The following AMOTL1 variants were observed in gnomAD, a reference collection of about 807,000 sequenced individuals.
AMOTL1 encodes angiomotin like 1.
In AMOTL1, 45 loss-of-function variants were observed where a neutral mutation model predicts 102.9. The ratio of observed to expected loss-of-function variants is 0.44; its 90% confidence interval spans 0.34 to 0.56. The LOEUF is 0.56. Ranked by LOEUF, AMOTL1 falls within the 20% of genes least tolerant of loss-of-function variation. The pLI, the probability that AMOTL1 is intolerant of heterozygous loss-of-function variation, is 0.01. For missense variants in AMOTL1, 1,114 were observed against 1,225.6 expected (o/e 0.91, Z 1.36); for synonymous variants, 481 against 484.7 (o/e 0.99, Z 0.10).
At chr11:94,779,614 A>C (rs796108494) in intron 1 of AMOTL1, among the ~76,000 whole-genome samples, 14 of 152,292 alleles carry the variant, frequency 9.2e-5, no homozygotes, top group African/African-American at 3.4e-4. Context: ...TTCCCCTTTA[A>C]GACATTGTAC....
At chr11:94,755,024 T>A (rs1950704233) in intron 3 of AMOTL1, among the ~76,000 whole-genome samples, 1 of 152,200 alleles carries the variant, frequency 6.6e-6, no homozygotes, top group African/African-American at 2.4e-5. Context: ...AAATGGTGAC[T>A]CAGTTCCATG....
intron 3 of AMOTL1, among the ~76,000 whole-genome samples, chr11:94,809,339 A>T (rs977431174): frequency 7.9e-5 from 12 of 152,132 alleles, no homozygotes; most frequent in African/African-American, 2.9e-4. Context: ...GCCACATTTC[A>T]AGTACCCAAT....
chr11:94,845,683 G>A (rs1952397244), intron 6 of AMOTL1, among the ~76,000 whole-genome samples: 1 of 152,224 alleles, frequency 6.6e-6, no homozygotes, highest in Admixed American at 6.5e-5. Context: ...GAGCTGCTAT[G>A]TGAAGGTGCC....
chr11:94,730,844 C>T (rs1290694125), intron 2 of AMOTL1, among the ~76,000 whole-genome samples: 2 of 152,204 alleles, frequency 1.3e-5, no homozygotes, highest in Non-Finnish European at 2.9e-5. Context: ...GATTCAATGA[C>T]CCTAGGCTTG....
intron 3 of AMOTL1, among the ~76,000 whole-genome samples, chr11:94,748,956 C>G (rs1161218336): frequency 6.6e-6 from 1 of 152,168 alleles, no homozygotes; most frequent in Non-Finnish European, 1.5e-5. Context: ...TTGCTGGATT[C>G]TGATAACTTC....
chr11:94,791,992 G>T (rs1029683409), intron 1 of AMOTL1, among the ~76,000 whole-genome samples: 2 of 152,190 alleles, frequency 1.3e-5, no homozygotes, highest in African/African-American at 4.8e-5. Flanking sequence ...GGAATCTGGG[G>T]TAGACTCTGT....
intron 9 of AMOTL1, 93 bp from the exon 10 acceptor site, chr11:94,864,642 G>C (rs1952840968): frequency 6.6e-7 from 1 of 1,523,424 alleles, no homozygotes; most frequent in Non-Finnish European, 8.9e-7. Context: ...CTCTGTTCCA[G>C]CATGAACACC....
intron 1 of AMOTL1, among the ~76,000 whole-genome samples, chr11:94,777,631 A>C (rs1951044001): frequency 1.3e-5 from 2 of 152,250 alleles, no homozygotes; most frequent in South Asian, 4.1e-4. Flanking sequence ...TTGTTTGTTC[A>C]TAAAATAAAA....
chr11:94,831,743 GT>G (rs1189576732), intron 6 of AMOTL1, among the ~76,000 whole-genome samples: 1 of 152,146 alleles, frequency 6.6e-6, no homozygotes, highest in Non-Finnish European at 1.5e-5. Context: ...CTTTAGTAAT[GT>G]TTATTCTGTC....
chr11:94,807,662 C>T (rs1488795061), intron 3 of AMOTL1, among the ~76,000 whole-genome samples: 1 of 152,120 alleles, frequency 6.6e-6, no homozygotes, highest in Non-Finnish European at 1.5e-5. Context: ...TTTACAAAGG[C>T]AAAAGCCTAA....
chr11:94,738,240 C>CAG (rs1950463175), intron 2 of AMOTL1, among the ~76,000 whole-genome samples: 1 of 144,690 alleles, frequency 6.9e-6, no homozygotes. Context: ...AAAATAAGAC[C>CAG]AGAGAGCATA....
chr11:94,714,429 T>C (rs1950066186), intron 1 of AMOTL1, among the ~76,000 whole-genome samples: 1 of 152,102 alleles, frequency 6.6e-6, no homozygotes. Flanking sequence ...TTCTTTTCTA[T>C]TTTGAAAAAG....
Position 94,866,579 on chromosome 11 carries a change from G to A in AMOTL1, c.2488+411G>A, listed in dbSNP as rs573640663. ...GTGTCTGCCTGCTTTACCCCATGGGGAGTGGGAGGGAATAATGGGATAATG... is the reference window on the plus strand; with the variant it reads ...GTGTCTGCCTGCTTTACCCCATGGGAAGTGGGAGGGAATAATGGGATAATG... On this transcript the variant is annotated intron_variant, in intron 11 of 12. Coordinates refer to ENST00000433060, the MANE Select transcript of AMOTL1 (RefSeq NM_130847.3). 1.9e-5 allele frequency: 4 copies of A among 212,558 alleles called. No homozygotes were observed. In the South Asian group the frequency reaches 3.2e-4, roughly 17 times the overall value. 13.2% of individuals were successfully genotyped at this position (212,558 alleles called of 1,614,324 possible). A position where few individuals can be genotyped will look rare whatever the true frequency, so the allele number is the denominator to read the frequency against.
intron 6 of AMOTL1, among the ~76,000 whole-genome samples, chr11:94,846,884 A>G (rs1952425146): frequency 6.6e-6 from 1 of 152,236 alleles, no homozygotes; most frequent in Non-Finnish European, 1.5e-5. Flanking sequence ...CTTAGAATAA[A>G]GAGACTACTA....
intron 1 of AMOTL1, among the ~76,000 whole-genome samples, chr11:94,722,041 A>C (rs529417746): frequency 4.7e-4 from 71 of 152,216 alleles, no homozygotes; most frequent in African/African-American, 1.7e-3. Context: ...CTCACATAGC[A>C]ACACTTAATC....
chr11:94,741,796 CATCACTAGCCTGAAT>C (rs974617419), intron 3 of AMOTL1, among the ~76,000 whole-genome samples: 4 of 152,010 alleles, frequency 2.6e-5, no homozygotes, highest in Non-Finnish European at 5.9e-5. Context: ...ACTGTTCTTT[CATCACTAGCCTGAAT>C]ATCTTGCCTT....
At chr11:94,727,366 T>C (rs1238171066) in intron 1 of AMOTL1, among the ~76,000 whole-genome samples, 2 of 152,194 alleles carry the variant, frequency 1.3e-5, no homozygotes, top group Non-Finnish European at 2.9e-5. Context: ...AGTGTGATTA[T>C]GGCCCAATAT....
intron 1 of AMOTL1, among the ~76,000 whole-genome samples, chr11:94,724,934 A>G (rs1950231424): frequency 6.6e-6 from 1 of 152,140 alleles, no homozygotes; most frequent in African/African-American, 2.4e-5. Flanking sequence ...CAGACATGGT[A>G]CTTCTAGTTA....
At chr11:94,834,537 A>C (rs1045832449) in intron 6 of AMOTL1, among the ~76,000 whole-genome samples, 6 of 152,054 alleles carry the variant, frequency 3.9e-5, no homozygotes, top group Admixed American at 1.3e-4. Flanking sequence ...GCTTGCAGTG[A>C]GCTGAGATCG....
Sources: allele counts gnomAD v4.1 joint callset (sites outside exome capture counted in the v4.1 genomes callset), GRCh38; gene constraint gnomAD v4.1.1; transcripts MANE v1.5; gene names NCBI Gene and HGNC (gene_info 2026-07-23, HGNC 2026-07-21).